Variants in BACH1 observed in about 807,000 individuals in gnomAD.
BACH1 encodes the protein BTB domain and CNC homolog 1.
A neutral mutation model predicts 52.9 loss-of-function variants in BACH1; 35 were observed. That is an observed-to-expected ratio of 0.66 (90% CI 0.51 to 0.88). The LOEUF is 0.88. Among genes scored for constraint, BACH1 ranks in the 40% least tolerant of loss-of-function variants. The pLI, the probability that BACH1 is intolerant of heterozygous loss-of-function variation, is 0.00. For synonymous variants in BACH1, 321 were observed against 319.6 expected, an observed-to-expected ratio of 1.00 and a Z score of -0.05; for missense variants, 808 against 872.6, an observed-to-expected ratio of 0.93 and a Z score of 0.93.
At chr21:29,305,942 C>T (rs1286908623) in intron 1 of BACH1, among the ~76,000 whole-genome samples, 1 of 152,182 alleles carries the variant, frequency 6.6e-6, no homozygotes, top group African/African-American at 2.4e-5. Context: ...AATAGACAGG[C>T]AAACTATTCC....
rs1409339599 is a variant in BACH1, at chr21:29,321,269, T to A, written c.-12T>A. On this transcript the variant is annotated 5_prime_UTR_variant, in exon 2 of 5. It adds an upstream start codon to the 5' untranslated region. Coordinates refer to ENST00000286800, the MANE Select transcript of BACH1 (RefSeq NM_001186.4). ...TTTCCACTGAACTTCCCGACAACAT[T>A]TGTTATGCAGAATGTCTCTGAGTGA... 1 of 1,600,686 alleles carries A rather than the reference T, an allele frequency of 6.2e-7. No homozygotes were observed. The highest frequency in any genetic ancestry group is 2.2e-5 in the East Asian group (1 of 44,622).
intron 2 of BACH1, among the ~76,000 whole-genome samples, chr21:29,322,664 GAT>G (rs1295835709): frequency 6.6e-6 from 1 of 152,176 alleles, no homozygotes; most frequent in Admixed American, 6.5e-5. Context: ...GTCTATGTGG[GAT>G]ATTCCCAGTT....
In BACH1 at chr21:29,321,606, C is replaced by G. The variant is rs1376999785; in HGVS notation, c.234+92C>G. ...TGAAAATAAAGCACAGTCTCCTTGT[C>G]AGGTGGCTATGGAGCATTTCCCAGG... On this transcript the variant is annotated intron_variant, in intron 2 of 4. Transcript: ENST00000286800. 9.6e-6 allele frequency: 11 copies of G among 1,151,676 alleles called. No homozygotes were observed. In the Admixed American group the frequency reaches 1.8e-4, roughly 19 times the overall value. The allele number at this position is 1,151,676 out of a possible 1,614,324, so 71.3% of individuals were successfully genotyped here.
At chr21:29,299,997 C>T (rs1023693813) in intron 1 of BACH1, 3 of 152,036 alleles carry the variant, frequency 2.0e-5, no homozygotes, top group Non-Finnish European at 4.4e-5. Flanking sequence ...GTGGAAATCC[C>T]AGATGTGTTA....
chr21:29,350,933 T>C (rs553357172), downstream of BACH1, among the ~76,000 whole-genome samples: 3 of 152,316 alleles, frequency 2.0e-5, no homozygotes, highest in South Asian at 6.2e-4. Flanking sequence ...CACACTCCAC[T>C]ACTAGCGGGA....
intron 4 of BACH1, among the ~76,000 whole-genome samples, chr21:29,335,601 A>G (rs1349990851): frequency 6.6e-6 from 1 of 152,190 alleles, no homozygotes; most frequent in Non-Finnish European, 1.5e-5. Flanking sequence ...AATGGGTACC[A>G]TAAGCAACCA....
chr21:29,338,530 A>G (rs966932714), intron 4 of BACH1, among the ~76,000 whole-genome samples: 1 of 151,964 alleles, frequency 6.6e-6, no homozygotes. Context: ...GCGCACCACC[A>G]TGCCCGGGTA....
intron 1 of BACH1, among the ~76,000 whole-genome samples, chr21:29,315,505 G>T (rs143611406): frequency 6.6e-6 from 1 of 152,186 alleles, no homozygotes; most frequent in Non-Finnish European, 1.5e-5. Flanking sequence ...CTAGAAATGC[G>T]AGAAGGCAGG....
chr21:29,324,559 TGTGTGTGTGTGTGTG>T, intron 2 of BACH1, among the ~76,000 whole-genome samples: 1 of 16,094 alleles, frequency 6.2e-5, no homozygotes, highest in South Asian at 2.0e-3. Flanking sequence ...ATGTACCTTG[TGTGTGTGTGTGTGTG>T]TGTGTGTGTG....
At position 29,329,569 on chromosome 21, in the gene BACH1, C is replaced by T. The variant is rs1438758711; in HGVS notation, c.1652C>T (p.Thr551Ile). Residue 551 changes from threonine to isoleucine, a missense_variant, in exon 4 of 5, where the codon ACT becomes ATT. By Grantham distance (89) the Thr-to-Ile change is moderately conservative (BLOSUM62 -1). Coordinates refer to ENST00000286800, the MANE Select transcript of BACH1 (RefSeq NM_001186.4). Reference protein sequence around the residue: ...FQSLLKMHKLTPEQLDCIHDI... With the variant: ...FQSLLKMHKLIPEQLDCIHDI... Reference sequence around the variant, plus strand: ...TCCTTGTTGAAAATGCACAAGCTTACTCCAGAACAGCTGGATTGTATCCAT... The same window carrying T: ...TCCTTGTTGAAAATGCACAAGCTTATTCCAGAACAGCTGGATTGTATCCAT... The T allele has an allele frequency of 2.5e-6, 4 of 1,606,982 alleles. No individual in the cohort carries two copies. The highest frequency in any genetic ancestry group is 3.4e-6 in the Non-Finnish European group (4 of 1,177,796).
chr21:29,358,346 G>A lies in BACH1; in HGVS notation c.472+28653G>A, dbSNP rs192923157. 1.1e-3 allele frequency among the ~76,000 whole-genome samples: 171 copies of A among 152,328 alleles called. 1 individual carries two copies. Among genetic ancestry groups the A allele is most frequent in the Non-Finnish European group, 1.9e-3 (127 of 68,028 alleles). ...ACATGGGCCTGCAGAGGACAAAAGA[G>A]AAAACAGGAGCACTCAATAACCAGG... is the stretch of plus-strand genomic sequence containing the variant. On this transcript the variant is annotated intron_variant, in intron 2 of 4. Transcript: ENST00000422809.
intron 1 of BACH1, among the ~76,000 whole-genome samples, chr21:29,317,007 G>T (rs924914822): frequency 6.6e-6 from 1 of 152,232 alleles, no homozygotes; most frequent in Non-Finnish European, 1.5e-5. Context: ...GGGTTGCACA[G>T]CAGGAGGTGA....
At chr21:29,324,456 G>A (rs1601353088) in intron 2 of BACH1, among the ~76,000 whole-genome samples, 1 of 151,870 alleles carries the variant, frequency 6.6e-6, no homozygotes, top group Non-Finnish European at 1.5e-5. Context: ...TTACCTCTTA[G>A]GATTGATGTT....
chr21:29,299,018 C>G (rs974287116), intron 1 of BACH1, 65 bp downstream of exon 1: 10 of 151,408 alleles, frequency 6.6e-5, no homozygotes, highest in African/African-American at 2.2e-4. Flanking sequence ...GGCCGCGGGC[C>G]TGTGAGGGGA....
intron 2 of BACH1, among the ~76,000 whole-genome samples, chr21:29,355,644 G>A (rs1442073238): frequency 2.0e-5 from 3 of 152,194 alleles, no homozygotes; most frequent in African/African-American, 7.2e-5. Context: ...GGTAGAAGTT[G>A]TTAGTTTAGC....
downstream of BACH1, among the ~76,000 whole-genome samples, chr21:29,349,998 A>G (rs1036808369): frequency 1.3e-5 from 2 of 152,106 alleles, no homozygotes; most frequent in African/African-American, 4.8e-5. Context: ...CAGCCTCTCC[A>G]AAGGCCTAAG....
At position 29,342,560 on chromosome 21, in the gene BACH1, C is replaced by T; in HGVS notation, c.1938C>T (p.Cys646=). The part of the protein sequence containing the change: ...QILAKYSAAD[C]PLSFLISEKD... Reference sequence around the variant, plus strand: ...TCGCCAAGTACTCAGCTGCAGATTGCCCACTTTCATTTTTAATTTCTGAAA... The same window carrying T: ...TCGCCAAGTACTCAGCTGCAGATTGTCCACTTTCATTTTTAATTTCTGAAA... The change falls in exon 5 of 5, where the codon TGC becomes TGT. Residue 646 remains cysteine (C), a synonymous_variant. Coordinates refer to ENST00000286800, the MANE Select transcript of BACH1 (RefSeq NM_001186.4). 6.2e-7 allele frequency: 1 copy of T among 1,614,154 alleles called. No individual in the cohort carries two copies. Among genetic ancestry groups the T allele is most frequent in the East Asian group, 2.2e-5 (1 of 44,882 alleles).
intron 2 of BACH1, among the ~76,000 whole-genome samples, chr21:29,359,973 G>A (rs1436857912): frequency 1.3e-5 from 2 of 152,082 alleles, no homozygotes; most frequent in Non-Finnish European, 2.9e-5. Context: ...TCAGACTAAG[G>A]CATCAGTGAC....
chr21:29,341,356 T>C (rs899027276), intron 4 of BACH1, among the ~76,000 whole-genome samples: 6 of 152,216 alleles, frequency 3.9e-5, no homozygotes, highest in Admixed American at 6.5e-5. Flanking sequence ...AGAGTTGTGA[T>C]AAATTTCATA....
Sources: gnomAD v4.1 joint callset for allele counts (sites outside exome capture counted in the v4.1 genomes callset) on GRCh38, gnomAD v4.1.1 for gene constraint, MANE v1.5 for transcripts, NCBI Gene and HGNC (gene_info 2026-07-23, HGNC 2026-07-21) for gene names.